Variants in LPA observed in about 807,000 individuals in gnomAD.
The protein encoded by LPA is lipoprotein(a).
Under a neutral mutation model 197.9 loss-of-function variants are expected in LPA, and 199 were observed. The observed-to-expected ratio is 1.01, with a 90% CI of 0.90 to 1.13. The LOEUF (loss-of-function observed/expected upper bound fraction) is 1.13, where lower values mean the gene tolerates loss of function less well. LPA is among the 50% of genes most tolerant of loss of function. LPA has a pLI of 0.00. For missense variants in LPA, 1,853 were observed against 1,785.8 expected, an observed-to-expected ratio of 1.04 and a Z score of -0.68; for synonymous variants, 715 against 639.5, an observed-to-expected ratio of 1.12 and a Z score of -1.78.
chr6:160,599,714 A>C, intron 19 of LPA, 55 bp from the exon 20 acceptor site: 1 of 1,602,154 alleles, frequency 6.2e-7, no homozygotes, highest in Non-Finnish European at 8.5e-7. Flanking sequence ...AGAAAAATAC[A>C]GGAAGCCATT....
chr6:160,565,524 A>C (rs1275226641), intron 28 of LPA, among the ~76,000 whole-genome samples: 1 of 152,194 alleles, frequency 6.6e-6, no homozygotes, highest in Non-Finnish European at 1.5e-5. Context: ...CCATCTGTAC[A>C]TCACCATCAT....
intron 18 of LPA, among the ~76,000 whole-genome samples, chr6:160,604,419 G>A (rs1435044132): frequency 2.0e-5 from 3 of 152,106 alleles, no homozygotes; most frequent in Non-Finnish European, 4.4e-5. Context: ...CTAAAGCCTG[G>A]CCATGGGCTG....
chr6:160,603,346 G>T (rs1562340389), intron 18 of LPA, among the ~76,000 whole-genome samples: 1 of 151,610 alleles, frequency 6.6e-6, no homozygotes, highest in Non-Finnish European at 1.5e-5. Context: ...TCTGTAGGTG[G>T]TATAAAATTG....
intron 37 of LPA, among the ~76,000 whole-genome samples, chr6:160,534,388 C>G (rs1212527987): frequency 3.9e-5 from 6 of 152,160 alleles, no homozygotes; most frequent in Non-Finnish European, 4.4e-5. Flanking sequence ...CATCTCGTGG[C>G]CAATGTAGAG....
At chr6:160,656,874 T>C (rs1780141812) in intron 1 of LPA, among the ~76,000 whole-genome samples, 1 of 152,166 alleles carries the variant, frequency 6.6e-6, no homozygotes, top group Non-Finnish European at 1.5e-5. Flanking sequence ...TTTATATAAA[T>C]CAAGTAGGAA....
chr6:160,592,207 T>C (rs895906077), intron 22 of LPA, among the ~76,000 whole-genome samples: 8 of 151,764 alleles, frequency 5.3e-5, no homozygotes, highest in Non-Finnish European at 8.8e-5. Context: ...TGTTGATTAA[T>C]TGGTTCAGTC....
chr6:160,531,999 A>G (rs1285917013), intron 38 of LPA, 109 bp from the exon 39 acceptor site: 1 of 1,298,656 alleles, frequency 7.7e-7, no homozygotes, highest in Non-Finnish European at 1.1e-6. Flanking sequence ...AATTCAAATC[A>G]GAAAGGAACT....
At chr6:160,601,195 A>G in intron 18 of LPA, 97 bp from the exon 19 acceptor site, 2 of 1,036,438 alleles carry the variant, frequency 1.9e-6, no homozygotes, top group Non-Finnish European at 3.0e-6. Flanking sequence ...GTGCCTTTGA[A>G]ATATTCCCAA....
chr6:160,559,000 A>G (rs75111619), intron 28 of LPA, among the ~76,000 whole-genome samples: 6 of 152,278 alleles, frequency 3.9e-5, no homozygotes, highest in South Asian at 4.1e-4. Flanking sequence ...GTTTAAAAGC[A>G]ATTTCTGCCC....
At chr6:160,561,307 C>A (rs1778357904) in intron 28 of LPA, among the ~76,000 whole-genome samples, 1 of 152,176 alleles carries the variant, frequency 6.6e-6, no homozygotes, top group South Asian at 2.1e-4. Flanking sequence ...TTCCCAACAC[C>A]ATTTATTAAA....
intron 10 of LPA, among the ~76,000 whole-genome samples, chr6:160,626,449 T>C (rs1332253807): frequency 7.1e-5 from 7 of 98,236 alleles, no homozygotes; most frequent in South Asian, 3.5e-4. Flanking sequence ...GTGTTTTCAG[T>C]TTGTGTGTGT....
intron 16 of LPA, among the ~76,000 whole-genome samples, 174 bp from the exon 17 acceptor site, chr6:160,606,832 C>T (rs1381893843): frequency 6.6e-6 from 1 of 152,142 alleles, no homozygotes; most frequent in Non-Finnish European, 1.5e-5. Context: ...ATCCTGTCTG[C>T]ACATTTCTCA....
chr6:160,532,815 A>G (rs1777827280), intron 37 of LPA, among the ~76,000 whole-genome samples, 166 bp from the exon 38 acceptor site: 1 of 152,142 alleles, frequency 6.6e-6, no homozygotes, highest in African/African-American at 2.4e-5. Flanking sequence ...TAAAGTGCAA[A>G]TGTCATATAA....
At position 160,586,498 on chromosome 6, in the gene LPA, T is replaced by C; in HGVS notation, c.4080A>G (p.Thr1360=). 6.2e-7 allele frequency: 1 copy of C among 1,613,820 alleles called. No homozygotes were observed. The highest frequency in any genetic ancestry group is 8.5e-7 in the Non-Finnish European group (1 of 1,179,774). The part of the protein sequence containing the change: ...QCPVMESTLL[T]TPTVVPVPST... ...TTGGAACTGGGACCACCGTGGGAGT[T>C]GTGAGGAGAGTTGATTCCATCACTG... The change falls in exon 25 of 39, where the codon ACA becomes ACG. Residue 1360 remains threonine (T), a synonymous_variant. Coordinates refer to ENST00000316300, the MANE Select transcript of LPA (RefSeq NM_005577.4).
At chr6:160,587,801 T>TGTGTGTGTTTCTG (rs1562333102) in intron 24 of LPA, among the ~76,000 whole-genome samples, 902 of 79,542 alleles carry the variant, frequency 0.011, 8 homozygotes, top group African/African-American at 0.029. Flanking sequence ...GTGTGTGTGT[T>TGTGTGTGTTTCTG]TCTGTCTGTT....
At chr6:160,597,084 TG>T (rs1779147130) in intron 20 of LPA, among the ~76,000 whole-genome samples, 1 of 152,236 alleles carries the variant, frequency 6.6e-6, no homozygotes, top group Non-Finnish European at 1.5e-5. Flanking sequence ...GGAGACTTGC[TG>T]GAAGGTCATG....
intron 26 of LPA, among the ~76,000 whole-genome samples, chr6:160,582,924 A>G (rs574689214): frequency 8.4e-4 from 127 of 152,056 alleles, no homozygotes; most frequent in African/African-American, 2.9e-3. Flanking sequence ...CCACCCTAAT[A>G]TTTTCTAGTT....
At chr6:160,566,636 T>C (rs535619948) in intron 28 of LPA, among the ~76,000 whole-genome samples, 1 of 152,190 alleles carries the variant, frequency 6.6e-6, no homozygotes, top group South Asian at 2.1e-4. Context: ...AATTCACACA[T>C]AAAAATATTA....
intron 1 of LPA, among the ~76,000 whole-genome samples, chr6:160,659,921 A>G (rs1011161063): frequency 1.3e-5 from 2 of 152,268 alleles, no homozygotes; most frequent in Non-Finnish European, 2.9e-5. Flanking sequence ...TACAACGGGT[A>G]CGGCTAATGA....
Sources: gnomAD v4.1 joint callset for allele counts (sites outside exome capture counted in the v4.1 genomes callset) on GRCh38, gnomAD v4.1.1 for gene constraint, MANE v1.5 for transcripts, NCBI Gene and HGNC (gene_info 2026-07-23, HGNC 2026-07-21) for gene names.